Variants in CLTCL1 observed in about 807,000 individuals in gnomAD.
CLTCL1 encodes the protein clathrin heavy chain like 1.
In CLTCL1, 159 loss-of-function variants were observed where a neutral mutation model predicts 190.0. The ratio of observed to expected loss-of-function variants is 0.84; its 90% CI spans 0.74 to 0.95. CLTCL1 has a LOEUF of 0.95. CLTCL1 is among the 40% of genes least tolerant of loss of function. The pLI is 0.00. For synonymous variants in CLTCL1, 752 were observed against 769.6 expected (o/e 0.98, Z 0.38); for missense variants, 1,878 against 2,033.4 (o/e 0.92, Z 1.47).
chr22:19,272,724 G>A (rs782724729), intron 2 of CLTCL1, among the ~76,000 whole-genome samples: 1 of 151,990 alleles, frequency 6.6e-6, no homozygotes, highest in African/African-American at 2.4e-5. Context: ...TGCCTGCCTC[G>A]GCCTCCCAAA....
chr22:19,237,006 A>C (rs1189255012), intron 5 of CLTCL1, among the ~76,000 whole-genome samples: 1 of 152,192 alleles, frequency 6.6e-6, no homozygotes, highest in Admixed American at 6.5e-5. Flanking sequence ...AAATATAGGT[A>C]AATGTTGTGA....
intron 26 of CLTCL1, among the ~76,000 whole-genome samples, chr22:19,194,037 C>T (rs1182744253): frequency 6.6e-6 from 1 of 152,140 alleles, no homozygotes; most frequent in Non-Finnish European, 1.5e-5. Flanking sequence ...GCTGATTGGC[C>T]CATTTTACAG....
At chr22:19,248,577 C>T (rs531899199) in intron 3 of CLTCL1, among the ~76,000 whole-genome samples, 38 of 152,302 alleles carry the variant, frequency 2.5e-4, no homozygotes, top group South Asian at 1.7e-3. Flanking sequence ...ACTCCACCTC[C>T]AGTCATAGGC....
rs142828382 is a variant in CLTCL1, at chr22:19,247,528, T to C, written c.520-4592A>G. Reference sequence around the variant, plus strand: ...TGTAAAGAGGCATAATTCCCAAGAGTTTTTATTTTGTTGTTGTTGTTGTCA... The same window carrying C: ...TGTAAAGAGGCATAATTCCCAAGAGCTTTTATTTTGTTGTTGTTGTTGTCA... On this transcript the variant is annotated intron_variant, in intron 3 of 32. Coordinates refer to ENST00000427926, the MANE Select transcript of CLTCL1 (RefSeq NM_007098.4). Among the ~76,000 whole-genome samples the C allele has an allele frequency of 2.3e-3, 344 of 152,136 alleles. 1 individual carries two copies. Among genetic ancestry groups the C allele is most frequent in the African/African-American group, 7.6e-3 (316 of 41,512 alleles).
At chr22:19,209,267 C>T (rs1555945120) in intron 20 of CLTCL1, 153 bp from the exon 21 acceptor site, 3 of 602,560 alleles carry the variant, frequency 5.0e-6, no homozygotes, top group Non-Finnish European at 8.4e-6. Context: ...CTCAGATGGA[C>T]AGGTTGAGGG....
At chr22:19,235,188 G>A (rs2086042237) in intron 6 of CLTCL1, among the ~76,000 whole-genome samples, 1 of 148,760 alleles carries the variant, frequency 6.7e-6, no homozygotes, top group South Asian at 2.1e-4. Context: ...TTTTTCCCCT[G>A]AGACAGGCTC....
intron 10 of CLTCL1, among the ~76,000 whole-genome samples, chr22:19,232,106 G>T (rs1449131901): frequency 1.3e-5 from 2 of 152,166 alleles, no homozygotes; most frequent in African/African-American, 4.8e-5. Flanking sequence ...AACATCTGGG[G>T]GACGCAACAG....
At chr22:19,226,103 G>T in intron 12 of CLTCL1, 116 bp downstream of exon 12, 1 of 1,175,904 alleles carries the variant, frequency 8.5e-7, no homozygotes, top group Non-Finnish European at 1.2e-6. Context: ...GTAGGTTAGG[G>T]CAGTGACAGG....
chr22:19,228,327 G>A (rs942386741), intron 11 of CLTCL1, among the ~76,000 whole-genome samples: 10 of 152,196 alleles, frequency 6.6e-5, no homozygotes, highest in African/African-American at 2.4e-4. Flanking sequence ...GCCCAGAGAA[G>A]ACTGCCAGCG....
At chr22:19,191,856 G>A (rs1404942150) in intron 26 of CLTCL1, among the ~76,000 whole-genome samples, 1 of 152,144 alleles carries the variant, frequency 6.6e-6, no homozygotes, top group African/African-American at 2.4e-5. Flanking sequence ...TGGACAGCAT[G>A]TCCTGTGACA....
chr22:19,225,681 T>C (rs1434377452), intron 12 of CLTCL1, 48 bp from the exon 13 acceptor site: 15 of 1,441,134 alleles, frequency 1.0e-5, no homozygotes, highest in African/African-American at 1.4e-5. Context: ...ACTCTAAAGA[T>C]TGCTAACACT....
intron 22 of CLTCL1, among the ~76,000 whole-genome samples, chr22:19,202,239 C>G (rs1555940077): frequency 6.6e-6 from 1 of 152,060 alleles, no homozygotes; most frequent in Non-Finnish European, 1.5e-5. Flanking sequence ...AGAGCTAGTT[C>G]TCTGCCCATT....
rs570197686 is a variant in CLTCL1 at position 19,266,038 on chromosome 22, AGTTTTTTGTTTTT to A, written c.250+9572_250+9584del. On this transcript the variant is annotated intron_variant, in intron 2 of 32. Transcript: ENST00000427926. ...ACAGACACGTACTACCACACTGGCT[AGTTTTTTGTTTTT>A]GTTTTTTAATTTGTAGAGATGGAGT... Among the ~76,000 whole-genome samples the A allele has an allele frequency of 5.2e-3, 784 of 151,680 alleles. 8 individuals are homozygous for A. Among genetic ancestry groups the A allele is most frequent in the African/African-American group, 0.018 (744 of 41,286 alleles).
At chr22:19,283,350 G>C (rs2087791054) in intron 1 of CLTCL1, among the ~76,000 whole-genome samples, 1 of 151,764 alleles carries the variant, frequency 6.6e-6, no homozygotes, top group South Asian at 2.1e-4. Flanking sequence ...GTGCAATCTT[G>C]GCTTACTGCA....
intron 10 of CLTCL1, among the ~76,000 whole-genome samples, chr22:19,230,430 A>G (rs2085886279): frequency 6.6e-6 from 1 of 152,018 alleles, no homozygotes; most frequent in Admixed American, 6.5e-5. Flanking sequence ...TGTCATCGCA[A>G]TTCACATACA....
intron 5 of CLTCL1, 66 bp from the exon 6 acceptor site, chr22:19,235,935 T>C: frequency 7.5e-7 from 1 of 1,333,966 alleles, no homozygotes; most frequent in Non-Finnish European, 1.0e-6. Context: ...TAAAAAGAGC[T>C]CACAAATGAT....
chr22:19,208,805 T>C (rs1848674006), intron 21 of CLTCL1, 117 bp downstream of exon 21: 12 of 834,210 alleles, frequency 1.4e-5, no homozygotes, highest in Non-Finnish European at 2.2e-5. Context: ...AGATGTGCCC[T>C]CTGATATCTC....
chr22:19,251,618 G>A (rs1555970070), intron 3 of CLTCL1, among the ~76,000 whole-genome samples: 3 of 151,982 alleles, frequency 2.0e-5, no homozygotes, highest in African/African-American at 2.4e-5. Context: ...CACCGTGCCC[G>A]GCTAATTTTT....
chr22:19,224,465 C>G (rs1250989329), intron 13 of CLTCL1, among the ~76,000 whole-genome samples: 1 of 152,126 alleles, frequency 6.6e-6, no homozygotes, highest in African/African-American at 2.4e-5. Flanking sequence ...CAACACAGAG[C>G]TGACAGTGAC....
Sources: gnomAD v4.1 joint callset for allele counts (sites outside exome capture counted in the v4.1 genomes callset) on GRCh38, gnomAD v4.1.1 for gene constraint, MANE v1.5 for transcripts, NCBI Gene and HGNC (gene_info 2026-07-23, HGNC 2026-07-21) for gene names.